The following USP6 variants were observed in gnomAD, a reference collection of about 807,000 sequenced individuals.
USP6 encodes the protein ubiquitin carboxyl-terminal hydrolase 6.
In USP6, 128 loss-of-function variants were observed where a neutral mutation model predicts 175.7. The observed-to-expected ratio is 0.73, with a 90% CI of 0.63 to 0.84. USP6 has a LOEUF of 0.84. Among genes scored for constraint, USP6 ranks in the 40% least tolerant of loss-of-function variants. The probability of loss-of-function intolerance (pLI) is 0.00; values close to 1 mark genes in which losing one functional copy is unlikely to be tolerated. For missense variants in USP6, 1,498 were observed against 1,760.3 expected (o/e 0.85, Z 2.67); for synonymous variants, 562 against 630.6 (o/e 0.89, Z 1.63).
intron 30 of USP6, among the ~76,000 whole-genome samples, chr17:5,149,626 T>A (rs1047284995): frequency 1.3e-5 from 2 of 152,122 alleles, no homozygotes; most frequent in African/African-American, 4.8e-5. Flanking sequence ...TGTGTGTTTA[T>A]GTAGGTATGT....
At position 5,153,914 on chromosome 17, in the gene USP6, G is replaced by A. The variant is rs1435268944; in HGVS notation, c.2644-1508G>A. On this transcript the variant is annotated intron_variant, in intron 30 of 37. Coordinates refer to ENST00000574788, the MANE Select transcript of USP6 (RefSeq NM_001304284.2). The stretch of plus-strand genomic sequence containing the variant: ...CATGATCTGCCTGCCTCGGCCTCCC[G>A]AAGTGCTGGGATTATAGGCATGAGC... 5.3e-5 allele frequency among the ~76,000 whole-genome samples: 8 copies of A among 152,072 alleles called. No individual in the cohort carries two copies. In the East Asian group the frequency reaches 7.7e-4, roughly 15 times the overall value.
Position 5,170,782 on chromosome 17 carries a change from A to G in USP6, c.3821A>G (p.His1274Arg), listed in dbSNP as rs552464479. The G allele has an allele frequency of 3.1e-6, 5 of 1,613,950 alleles. No individual in the cohort carries two copies. The highest frequency in any genetic ancestry group is 2.2e-5 in the South Asian group (2 of 91,072). The change falls in exon 36 of 38, where the codon CAT becomes CGT. Residue 1274 changes from histidine (H) to arginine (R), a missense_variant. His to Arg is a conservative substitution (Grantham distance 29). Around this residue, in one of 2 missense-constraint regions of USP6, gnomAD observed 1,217 missense variants for 1,500.8 expected, o/e 0.81. Coordinates refer to ENST00000574788, the MANE Select transcript of USP6 (RefSeq NM_001304284.2). ...VALANGFLYEHEACGNGCGDG... is the reference protein window; with the variant it reads ...VALANGFLYEREACGNGCGDG... Reference sequence around the variant, plus strand: ...TTGGCCAATGGATTCCTTTATGAGCATGAAGCATGTGGCAATGGCTGTGGC... The same window carrying G: ...TTGGCCAATGGATTCCTTTATGAGCGTGAAGCATGTGGCAATGGCTGTGGC...
At chr17:5,147,793 A>C (rs2073653045) in intron 29 of USP6, among the ~76,000 whole-genome samples, 1 of 152,226 alleles carries the variant, frequency 6.6e-6, no homozygotes, top group South Asian at 2.1e-4. Context: ...TTTGCCATCC[A>C]ATACAGTATC....
Position 5,162,961 on chromosome 17 carries a change from A to C in USP6, c.2993A>C (p.His998Pro), listed in dbSNP as rs753228730. Residue 998 changes from histidine to proline, a missense_variant, in exon 33 of 38, where the codon CAC becomes CCC. Physicochemically the swap from His to Pro is moderately conservative, Grantham distance 77 (BLOSUM62 -2). Around this residue, in one of 2 missense-constraint regions of USP6, gnomAD observed 1,217 missense variants for 1,500.8 expected, o/e 0.81. Coordinates refer to ENST00000574788, the MANE Select transcript of USP6 (RefSeq NM_001304284.2). Reference protein sequence around the residue: ...IGNAYIAVDWHPTALHLRYQT... With the variant: ...IGNAYIAVDWPPTALHLRYQT... ...AATGCCTATATTGCTGTGGATTGGC[A>C]CCCCACAGCCCTTCACCTTCGCTAT... is the stretch of plus-strand genomic sequence containing the variant. 1.9e-6 allele frequency: 3 copies of C among 1,604,318 alleles called. No homozygotes were observed. Among genetic ancestry groups the C allele is most frequent in the Non-Finnish European group, 2.5e-6 (3 of 1,177,782 alleles).
At chr17:5,171,513 T>G in intron 36 of USP6, 74 bp from the exon 37 acceptor site, 18 of 1,400,894 alleles carry the variant, frequency 1.3e-5, no homozygotes, top group Non-Finnish European at 1.8e-5. Context: ...GTTCTCCTGC[T>G]CAGATCTTAG....
chr17:5,126,700 T>TTC (rs901244307), intron 6 of USP6: 16 of 152,148 alleles, frequency 1.1e-4, no homozygotes, highest in African/African-American at 3.4e-4. Flanking sequence ...CCTTTTCCAG[T>TTC]TCTCTCTCTC....
chr17:5,130,823 T>C, intron 11 of USP6, 139 bp downstream of exon 11: 1 of 1,219,804 alleles, frequency 8.2e-7, no homozygotes, highest in South Asian at 1.3e-5. Flanking sequence ...TCAGAACTCC[T>C]CCCTGGCTCC....
Position 5,148,779 on chromosome 17 carries a change from G to A in USP6, c.2643+12G>A, listed in dbSNP as rs777752912. The A allele has an allele frequency of 3.7e-6, 6 of 1,609,226 alleles. No individual in the cohort carries two copies. In the South Asian group the frequency reaches 6.6e-5, roughly 18 times the overall value. On this transcript the variant is annotated intron_variant, in intron 30 of 37. Transcript: ENST00000574788. ...TCCACCGAAAAATGGTTAGTTAAAT[G>A]TTAGGCAACTCACTGCCAGTCTTGC...
chr17:5,168,056 G>A lies in USP6; in HGVS notation c.3161G>A (p.Cys1054Tyr). 6.2e-7 allele frequency: 1 copy of A among 1,611,994 alleles called. No individual in the cohort carries two copies. Among genetic ancestry groups the A allele is most frequent in the Non-Finnish European group, 8.5e-7 (1 of 1,179,854 alleles). ...EELGESEMYY[C>Y]SKCKTHCLAT... ...CTAGGGGAAAGTGAGATGTACTACT[G>A]TTCCAAGTGTAAGACCCACTGCTTA... The change falls in exon 34 of 38, where the codon TGT becomes TAT. Residue 1054 changes from cysteine to tyrosine, a missense_variant. This residue lies in a region of USP6 where 1,217 missense variants were observed against 1,500.8 expected (regional missense o/e 0.81). Transcript: ENST00000574788.
chr17:5,154,487 A>G (rs1480472068), intron 30 of USP6, among the ~76,000 whole-genome samples: 1 of 152,226 alleles, frequency 6.6e-6, no homozygotes, highest in East Asian at 1.9e-4. Flanking sequence ...TGTCTCTTTA[A>G]CATACTCAAA....
At chr17:5,172,551 A>G (rs1476528803) in intron 37 of USP6, among the ~76,000 whole-genome samples, 1 of 152,132 alleles carries the variant, frequency 6.6e-6, no homozygotes, top group Non-Finnish European at 1.5e-5. Flanking sequence ...TACATACAAA[A>G]TAAATAATTA....
chr17:5,117,177 A>G (rs1163976034), intron 1 of USP6, among the ~76,000 whole-genome samples: 2 of 152,188 alleles, frequency 1.3e-5, no homozygotes, highest in African/African-American at 2.4e-5. Context: ...AGACTTGTCC[A>G]TTTATGCTCA....
At chr17:5,158,645 GA>G (rs2073942098) in intron 31 of USP6, among the ~76,000 whole-genome samples, 1 of 146,878 alleles carries the variant, frequency 6.8e-6, no homozygotes, top group Admixed American at 6.8e-5. Context: ...GAGAGAGAGA[GA>G]GAGAGAGAGA....
chr17:5,163,722 G>A (rs2074049456), intron 33 of USP6, among the ~76,000 whole-genome samples: 1 of 152,120 alleles, frequency 6.6e-6, no homozygotes, highest in Admixed American at 6.6e-5. Context: ...AAATATTATC[G>A]AAGTTGCAGC....
At chr17:5,150,197 C>T (rs1758583611) in intron 30 of USP6, among the ~76,000 whole-genome samples, 1 of 151,830 alleles carries the variant, frequency 6.6e-6, no homozygotes, top group Non-Finnish European at 1.5e-5. Context: ...GAGGCTGAGG[C>T]AGGAGAATCG....
chr17:5,152,910 C>G (rs1396885444), intron 30 of USP6, among the ~76,000 whole-genome samples: 4 of 152,192 alleles, frequency 2.6e-5, no homozygotes, highest in Non-Finnish European at 5.9e-5. Flanking sequence ...GCAAGAGAAT[C>G]TCTCAAGCCC....
In USP6 at chr17:5,170,518, C is replaced by T. The variant is rs1009027295; in HGVS notation, c.3557C>T (p.Pro1186Leu). The change falls in exon 36 of 38, where the codon CCC becomes CTC. Residue 1186 changes from proline (P) to leucine (L), a missense_variant. Transcript: ENST00000574788. ...SSSRKSGTSC[P>L]SSKNSSPNSS... ...TCAAGAAAAAGTGGAACCAGCTGTC[C>T]CTCCAGCAAAAACAGCAGCCCTAAT... 4 of 1,611,188 alleles carry T rather than the reference C, an allele frequency of 2.5e-6. No homozygotes were observed. Among genetic ancestry groups the T allele is most frequent in the Non-Finnish European group, 3.4e-6 (4 of 1,179,426 alleles).
At chr17:5,164,637 T>G (rs1317974614) in intron 33 of USP6, among the ~76,000 whole-genome samples, 1 of 152,242 alleles carries the variant, frequency 6.6e-6, no homozygotes, top group East Asian at 1.9e-4. Context: ...TTACCCTACT[T>G]CCACTTTCAG....
At chr17:5,118,522 GT>G (rs1276173811) in intron 2 of USP6, among the ~76,000 whole-genome samples, 2 of 152,256 alleles carry the variant, frequency 1.3e-5, no homozygotes, top group Non-Finnish European at 2.9e-5. Context: ...TAGCGCCACT[GT>G]TTGAGGATGG....
Sources: allele counts gnomAD v4.1 joint callset (sites outside exome capture counted in the v4.1 genomes callset), GRCh38; gene constraint gnomAD v4.1.1; regional missense constraint gnomAD v4.1.1; transcripts MANE v1.5; gene names NCBI Gene and HGNC (gene_info 2026-07-23, HGNC 2026-07-21).